The following SLC27A1 variants were observed in gnomAD, a reference collection of about 807,000 sequenced individuals.
The protein encoded by SLC27A1 is long-chain fatty acid transport protein 1.
SLC27A1 carries 61 observed loss-of-function variants against 62.2 expected under a neutral mutation model. That is an observed-to-expected ratio of 0.98 (90% confidence interval 0.80 to 1.21). The LOEUF is 1.21. SLC27A1 is among the 50% of genes most tolerant of loss of function. The probability of loss-of-function intolerance (pLI) is 0.00; values close to 1 mark genes in which losing one functional copy is unlikely to be tolerated. For missense variants in SLC27A1, 903 were observed against 932.1 expected (o/e 0.97, Z 0.41); for synonymous variants, 435 against 408.6 (o/e 1.06, Z -0.78).
upstream of SLC27A1, among the ~76,000 whole-genome samples, chr19:17,469,369 G>T (rs1336157056): frequency 6.6e-6 from 1 of 151,986 alleles, no homozygotes; most frequent in South Asian, 2.1e-4. Context: ...TTTAGGACAA[G>T]CTGGAGCAAG....
At chr19:17,496,304 G>GT (rs1407256248) in intron 6 of SLC27A1, 4 of 151,526 alleles carry the variant, frequency 2.6e-5, no homozygotes, top group African/African-American at 9.8e-5. Context: ...AAAGTGGCGG[G>GT]GGGGGAGTCA....
chr19:17,489,466 C>T (rs1421666804), intron 6 of SLC27A1, among the ~76,000 whole-genome samples: 6 of 147,956 alleles, frequency 4.1e-5, no homozygotes, highest in African/African-American at 1.5e-4. Context: ...GAGCTAAACC[C>T]TCCACGTGTA....
Position 17,505,108 on chromosome 19 carries a change from G to A in SLC27A1, c.*496G>A. On this transcript the variant is annotated 3_prime_UTR_variant, in exon 12 of 12. Transcript: ENST00000252595. ...GGGGTTTCACCATGTTGGTCAGGTT[G>A]GTCTTGAACTCCTGACCTCAGGTGA... 2.8e-6 allele frequency: 1 copy of A among 351,820 alleles called. No individual in the cohort carries two copies. The allele number at this position is 351,820 out of a possible 1,614,324, so 21.8% of individuals were successfully genotyped here.
Position 17,487,321 on chromosome 19 carries a change from G to A in SLC27A1, c.710G>A (p.Ser237Asn). The change falls in exon 3 of 12, where the codon AGC becomes AAC. Residue 237 changes from serine (S) to asparagine (N), a missense_variant. By Grantham distance (46) the Ser-to-Asn change is conservative. Coordinates refer to ENST00000252595, the MANE Select transcript of SLC27A1 (RefSeq NM_198580.3). ...ASTAPLAQIPSKGMDDRLFYI... is the reference protein window; with the variant it reads ...ASTAPLAQIPNKGMDDRLFYI... ...ACTGCCCCCTTGGCACAGATCCCCA[G>A]CAAGGGCATGGACGGTGAGTCAAGG... 1 of 1,611,482 alleles carries A rather than the reference G, an allele frequency of 6.2e-7. No individual in the cohort carries two copies. The highest frequency in any genetic ancestry group is 1.1e-5 in the South Asian group (1 of 90,752).
intron 1 of SLC27A1, among the ~76,000 whole-genome samples, chr19:17,484,560 G>A (rs1406994433): frequency 3.9e-5 from 6 of 151,928 alleles, no homozygotes; most frequent in Admixed American, 3.9e-4. Context: ...TAGTCTGGGC[G>A]ACAGAGTGAG....
At chr19:17,478,273 C>T (rs765652885) in intron 1 of SLC27A1, among the ~76,000 whole-genome samples, 31 of 151,568 alleles carry the variant, frequency 2.0e-4, no homozygotes, top group Non-Finnish European at 4.4e-4. Flanking sequence ...TTGAGACCAG[C>T]CTGGCCAACA....
intron 1 of SLC27A1, among the ~76,000 whole-genome samples, chr19:17,473,310 C>G (rs2075094180): frequency 6.6e-6 from 1 of 152,210 alleles, no homozygotes; most frequent in African/African-American, 2.4e-5. Context: ...TATGAGTCAT[C>G]GATCGAGATT....
chr19:17,488,718 T>G (rs2075262927), intron 4 of SLC27A1, 130 bp from the exon 5 acceptor site: 4 of 733,714 alleles, frequency 5.5e-6, no homozygotes, highest in Non-Finnish European at 9.3e-6. Flanking sequence ...GTTTCCTTCC[T>G]GCCAGCCTGT....
At chr19:17,484,580 C>CA (rs949114020) in intron 1 of SLC27A1, among the ~76,000 whole-genome samples, 8 of 146,234 alleles carry the variant, frequency 5.5e-5, no homozygotes, top group Middle Eastern at 3.3e-3. Flanking sequence ...GACCCTGTCT[C>CA]AAAAAAAAAG....
chr19:17,469,970 A>T (rs2075057793), upstream of SLC27A1, among the ~76,000 whole-genome samples: 1 of 146,266 alleles, frequency 6.8e-6, no homozygotes, highest in Admixed American at 6.8e-5. Flanking sequence ...GGACTCGGGG[A>T]GAGGGCTTGT....
chr19:17,478,911 A>G (rs2075149715), intron 1 of SLC27A1, among the ~76,000 whole-genome samples: 1 of 151,984 alleles, frequency 6.6e-6, no homozygotes, highest in Non-Finnish European at 1.5e-5. Context: ...ATGACTTCAG[A>G]TGGGAACATG....
rs2077947501 is a variant in SLC27A1, at chr19:17,486,167, G to C, written c.168-396G>C. Reference sequence around the variant, plus strand: ...TGGGGGCAGAACAGCTGCCCAGCTCGGGGCTGGACCCTGGGGGTCCTGGTT... The same window carrying C: ...TGGGGGCAGAACAGCTGCCCAGCTCCGGGCTGGACCCTGGGGGTCCTGGTT... On this transcript the variant is annotated intron_variant, in intron 1 of 11. Transcript: ENST00000252595. This position sits in a 1 kb window ranked among gnomAD's most constrained non-coding sequence, Gnocchi z 6.6. 6.6e-6 allele frequency among the ~76,000 whole-genome samples: 1 copy of C among 152,194 alleles called. No homozygotes were observed. Among genetic ancestry groups the C allele is most frequent in the East Asian group, 1.9e-4 (1 of 5,192 alleles).
Position 17,486,992 on chromosome 19 carries a change from C to A in SLC27A1, c.562+35C>A. The stretch of plus-strand genomic sequence containing the variant: ...GGCGTGGGCATCAGGTGGGCGGGGA[C>A]CCAGGACTGGCCCCTGGGCGGGCGG... On this transcript the variant is annotated intron_variant, in intron 2 of 11. Coordinates refer to ENST00000252595, the MANE Select transcript of SLC27A1 (RefSeq NM_198580.3). This position sits in a 1 kb window ranked among gnomAD's most constrained non-coding sequence, Gnocchi z 6.6. 6.5e-7 allele frequency: 1 copy of A among 1,546,284 alleles called. No individual in the cohort carries two copies. The highest frequency in any genetic ancestry group is 8.7e-7 in the Non-Finnish European group (1 of 1,152,254).
At chr19:17,477,240 C>CTTTGTTTTTTT (rs2075132365) in intron 1 of SLC27A1, among the ~76,000 whole-genome samples, 2 of 43,808 alleles carry the variant, frequency 4.6e-5, no homozygotes, top group African/African-American at 1.8e-4. Flanking sequence ...ATGAGCAGCG[C>CTTTGTTTTTTT]TTTTTTTTTT....
In SLC27A1 at chr19:17,497,465, G is replaced by A; in HGVS notation, c.1206+1G>A. ...CAGCATTGCCAACATGGACGGCAAG[G>A]TGCACACCGGCAGGGCCCCGGGGCA... On this transcript the variant is annotated splice_donor_variant, in intron 7 of 11. Coordinates refer to ENST00000252595, the MANE Select transcript of SLC27A1 (RefSeq NM_198580.3). LOFTEE classifies it high-confidence loss of function. 6.2e-7 allele frequency: 1 copy of A among 1,605,960 alleles called. No individual in the cohort carries two copies. Among genetic ancestry groups the A allele is most frequent in the Non-Finnish European group, 8.5e-7 (1 of 1,177,386 alleles).
intron 11 of SLC27A1, among the ~76,000 whole-genome samples, chr19:17,502,569 G>A (rs2075429003): frequency 6.6e-6 from 1 of 151,562 alleles, no homozygotes; most frequent in African/African-American, 2.4e-5. Context: ...GGCCAGGCTG[G>A]TCTTGAACTC....
intron 1 of SLC27A1, among the ~76,000 whole-genome samples, chr19:17,471,454 C>T (rs1214752083): frequency 1.3e-5 from 2 of 151,770 alleles, no homozygotes; most frequent in African/African-American, 2.4e-5. Context: ...ATTCTGGTGT[C>T]CTGTGCAAGG....
intron 1 of SLC27A1, among the ~76,000 whole-genome samples, chr19:17,476,258 G>T (rs2075120881): frequency 6.6e-6 from 1 of 152,100 alleles, no homozygotes; most frequent in Admixed American, 6.6e-5. Context: ...GCTCCAGGCT[G>T]GGCATGGTGG....
chr19:17,494,079 C>T (rs1230405707), intron 6 of SLC27A1, among the ~76,000 whole-genome samples: 4 of 143,590 alleles, frequency 2.8e-5, no homozygotes, highest in African/African-American at 5.3e-5. Flanking sequence ...AGTGCAGTGG[C>T]GCAATCTTGG....
Sources: gnomAD v4.1 joint callset for allele counts (sites outside exome capture counted in the v4.1 genomes callset) on GRCh38, gnomAD v4.1.1 for gene constraint, Gnocchi (gnomAD v3.1) non-coding constraint, MANE v1.5 for transcripts, NCBI Gene and HGNC (gene_info 2026-07-23, HGNC 2026-07-21) for gene names.